The following DLGAP2 variants were observed in gnomAD, a reference collection of about 807,000 sequenced individuals.
The protein encoded by DLGAP2 is disks large-associated protein 2.
A neutral mutation model predicts 100.3 loss-of-function variants in DLGAP2; 26 were observed. The ratio of observed to expected loss-of-function variants is 0.26; its 90% CI spans 0.19 to 0.36. The LOEUF (loss-of-function observed/expected upper bound fraction) is 0.36. Ranked by LOEUF, DLGAP2 falls within the 10% of genes least tolerant of loss-of-function variation. DLGAP2 has a pLI of 1.00. For synonymous variants in DLGAP2, 886 were observed against 630.1 expected, an observed-to-expected ratio of 1.41 and a Z score of -6.08; for missense variants, 1,858 against 1,453.2, an observed-to-expected ratio of 1.28 and a Z score of -4.53.
intron 3 of DLGAP2, among the ~76,000 whole-genome samples, chr8:1,474,058 A>C (rs1479877584): frequency 6.6e-6 from 1 of 151,978 alleles, no homozygotes; most frequent in Non-Finnish European, 1.5e-5. Flanking sequence ...CCGAGTCCCC[A>C]AAGTCCATTG....
intron 2 of DLGAP2, among the ~76,000 whole-genome samples, chr8:1,173,191 C>T (rs947749614): frequency 5.3e-5 from 8 of 152,198 alleles, no homozygotes; most frequent in African/African-American, 1.7e-4. Context: ...GTCCGCAGAA[C>T]AGTGGTTTTT....
intron 3 of DLGAP2, among the ~76,000 whole-genome samples, chr8:1,478,690 A>G (rs1799006180): frequency 6.6e-6 from 1 of 152,098 alleles, no homozygotes; most frequent in Non-Finnish European, 1.5e-5. Context: ...GGTCAAACCA[A>G]TGGAATAGAC....
intron 3 of DLGAP2, among the ~76,000 whole-genome samples, chr8:1,457,697 A>T (rs1483342991): frequency 6.6e-6 from 1 of 151,958 alleles, no homozygotes; most frequent in Non-Finnish European, 1.5e-5. Context: ...TCTAATGCAA[A>T]GCATAACTTC....
At chr8:1,658,758 C>CGTA (rs1332095118) in intron 8 of DLGAP2, among the ~76,000 whole-genome samples, 1 of 152,064 alleles carries the variant, frequency 6.6e-6, no homozygotes, top group Non-Finnish European at 1.5e-5. Context: ...GTCTGGCTAC[C>CGTA]GGTCCATGTA....
chr8:1,328,677 G>A (rs1801079243), intron 3 of DLGAP2, among the ~76,000 whole-genome samples: 1 of 152,126 alleles, frequency 6.6e-6, no homozygotes, highest in African/African-American at 2.4e-5. Context: ...TAAATTTAGT[G>A]ATCGTCATTA....
intron 2 of DLGAP2, among the ~76,000 whole-genome samples, chr8:1,058,304 T>C (rs1383221960): frequency 6.6e-6 from 1 of 152,218 alleles, no homozygotes; most frequent in East Asian, 1.9e-4. Context: ...CACTTGGCAC[T>C]GAGAGAATAA....
chr8:997,962 T>C (rs1800831030), intron 2 of DLGAP2, among the ~76,000 whole-genome samples: 2 of 151,962 alleles, frequency 1.3e-5, no homozygotes, highest in South Asian at 2.1e-4. Flanking sequence ...CACACATGCA[T>C]ACACGCATGC....
At chr8:1,077,123 C>T (rs566139992) in intron 2 of DLGAP2, among the ~76,000 whole-genome samples, 2 of 152,320 alleles carry the variant, frequency 1.3e-5, no homozygotes, top group East Asian at 3.9e-4. Context: ...CTGATAGTCC[C>T]GATCCCAGCC....
intron 6 of DLGAP2, among the ~76,000 whole-genome samples, chr8:1,626,190 G>A (rs1423557968): frequency 1.5e-5 from 2 of 131,982 alleles, no homozygotes; most frequent in Non-Finnish European, 3.2e-5. Context: ...TCTACCCTGT[G>A]GCGGGTGCTC....
At chr8:835,544 G>T (rs1398410860) in intron 1 of DLGAP2, among the ~76,000 whole-genome samples, 1 of 150,452 alleles carries the variant, frequency 6.6e-6, no homozygotes, top group Non-Finnish European at 1.5e-5. Context: ...TTTGTAGTCC[G>T]TGGTCCCCCG....
chr8:1,005,641 A>G (rs1215260782), intron 2 of DLGAP2, among the ~76,000 whole-genome samples: 1 of 151,504 alleles, frequency 6.6e-6, no homozygotes, highest in Admixed American at 6.6e-5. Flanking sequence ...GCTGGTCTCA[A>G]ATTCCTAGGT....
chr8:1,659,563 T>C (rs867629985), intron 8 of DLGAP2, among the ~76,000 whole-genome samples: 1 of 152,218 alleles, frequency 6.6e-6, no homozygotes, highest in Non-Finnish European at 1.5e-5. Context: ...TAGTTAGCTC[T>C]TCTTGTTGCA....
chr8:744,534 ACTCC>A (rs1820567619), intron 1 of DLGAP2, among the ~76,000 whole-genome samples: 4 of 141,538 alleles, frequency 2.8e-5, no homozygotes, highest in African/African-American at 1.1e-4. Flanking sequence ...CCCCACGGTC[ACTCC>A]CTGCCTCTTC....
chr8:1,374,934 G>A (rs186021635), intron 3 of DLGAP2, among the ~76,000 whole-genome samples: 1 of 152,010 alleles, frequency 6.6e-6, no homozygotes, highest in Non-Finnish European at 1.5e-5. Flanking sequence ...GACAGCCAGG[G>A]CATTGTCCTC....
intron 2 of DLGAP2, among the ~76,000 whole-genome samples, chr8:1,061,322 G>A (rs1313407670): frequency 6.6e-6 from 1 of 152,154 alleles, no homozygotes; most frequent in African/African-American, 2.4e-5. Flanking sequence ...AGGCCCAACT[G>A]TGGTTTCTAC....
chr8:967,319 G>A (rs146703356), intron 2 of DLGAP2, among the ~76,000 whole-genome samples: 5 of 152,308 alleles, frequency 3.3e-5, no homozygotes, highest in East Asian at 3.9e-4. Flanking sequence ...TATCCCTTTC[G>A]AACATGAAGG....
chr8:1,533,876 G>C (rs1360019858), intron 4 of DLGAP2, among the ~76,000 whole-genome samples: 1 of 152,156 alleles, frequency 6.6e-6, no homozygotes, highest in African/African-American at 2.4e-5. Flanking sequence ...AGGATTGCTT[G>C]AGCGGGAGTT....
At chr8:1,203,938 T>C (rs1797936496) in intron 2 of DLGAP2, among the ~76,000 whole-genome samples, 1 of 152,046 alleles carries the variant, frequency 6.6e-6, no homozygotes, top group African/African-American at 2.4e-5. Flanking sequence ...CCTGGGTGTG[T>C]GCATGTCAAG....
chr8:936,920 C>T (rs1370616007), intron 2 of DLGAP2, among the ~76,000 whole-genome samples: 4 of 152,174 alleles, frequency 2.6e-5, no homozygotes, highest in African/African-American at 4.8e-5. Context: ...TTTCACAAAG[C>T]GCACTGCGTG....
Sources: allele counts gnomAD v4.1 joint callset (sites outside exome capture counted in the v4.1 genomes callset), GRCh38; gene constraint gnomAD v4.1.1; transcripts MANE v1.5; gene names NCBI Gene and HGNC (gene_info 2026-07-23, HGNC 2026-07-21).